SRGAP3: variants seen among roughly 807,000 people sequenced by gnomAD.
SRGAP3 encodes SLIT-ROBO Rho GTPase-activating protein 3.
In SRGAP3, 39 loss-of-function variants were observed where a neutral mutation model predicts 121.1. The observed-to-expected ratio is 0.32, with a 90% confidence interval of 0.25 to 0.42. SRGAP3 has a LOEUF of 0.42. SRGAP3 is among the 10% of genes least tolerant of loss of function. SRGAP3 has a pLI of 1.00. For synonymous variants in SRGAP3, 601 were observed against 570.0 expected (o/e 1.05, Z -0.77); for missense variants, 1,213 against 1,470.6 (o/e 0.82, Z 2.86).
chr3:8,998,524 T>A (rs1254985727), intron 18 of SRGAP3, among the ~76,000 whole-genome samples: 1 of 137,762 alleles, frequency 7.3e-6, no homozygotes, highest in Non-Finnish European at 1.5e-5. Context: ...TATTTATGTG[T>A]TTGTGGTATG....
chr3:9,121,125 G>C (rs1446863738), intron 2 of SRGAP3, among the ~76,000 whole-genome samples: 1 of 152,144 alleles, frequency 6.6e-6, no homozygotes, highest in East Asian at 1.9e-4. Context: ...AAGTGGACTA[G>C]ATAGACCAAG....
At position 9,244,579 on chromosome 3, in the gene SRGAP3, G is replaced by T. The variant is rs1953758398; in HGVS notation, c.67+4306C>A. ...AGATGAATTAGAGCCCCAGGATACTGAGAAAGCCTGCAGATAAGATCACCA... is the reference window on the plus strand; with the variant it reads ...AGATGAATTAGAGCCCCAGGATACTTAGAAAGCCTGCAGATAAGATCACCA... On this transcript the variant is annotated intron_variant, in intron 1 of 21. Coordinates refer to ENST00000383836, the MANE Select transcript of SRGAP3 (RefSeq NM_014850.4). Among the ~76,000 whole-genome samples, 3 of 152,196 alleles carry T rather than the reference G, an allele frequency of 2.0e-5. No homozygotes were observed. The South Asian group carries it at 6.2e-4, about 31-fold the overall frequency.
rs934509432 is a variant in SRGAP3, at chr3:9,238,165, C to A, written c.67+10720G>T. ...GGGTGAGAAGCTCTGAGTCAGGAGA[C>A]CCTGAGAAACTTTGGGTTGCACTGG... On this transcript the variant is annotated intron_variant, in intron 1 of 21. Coordinates refer to ENST00000383836, the MANE Select transcript of SRGAP3 (RefSeq NM_014850.4). Among the ~76,000 whole-genome samples, 9 of 152,246 alleles carry A rather than the reference C, an allele frequency of 5.9e-5. No homozygotes were observed. The South Asian group carries it at 1.9e-3, about 32-fold the overall frequency.
intron 3 of SRGAP3, among the ~76,000 whole-genome samples, chr3:9,311,504 C>G (rs1256801397): frequency 6.6e-6 from 1 of 152,228 alleles, no homozygotes; most frequent in Non-Finnish European, 1.5e-5. Context: ...GTCGCAACCA[C>G]TCAGCTCTGC....
In SRGAP3 at chr3:8,984,730, A is replaced by C. The variant is rs1941588296; in HGVS notation, c.*789T>G. 1 of 232,090 alleles carries C rather than the reference A, an allele frequency of 4.3e-6. No individual in the cohort carries two copies. The highest frequency in any genetic ancestry group is 1.8e-4 in the South Asian group (1 of 5,510). 14.4% of individuals were successfully genotyped at this position (232,090 alleles called of 1,614,324 possible). A position where few individuals can be genotyped will look rare whatever the true frequency, so the allele number is the denominator to read the frequency against. ...TGGAAGGGCAGGGTCTCTGGGGTGG[A>C]CGGGGGTGGGGATTTCCTATGAAGG... On this transcript the variant is annotated 3_prime_UTR_variant, in exon 22 of 22. Transcript: ENST00000383836.
intron 12 of SRGAP3, among the ~76,000 whole-genome samples, chr3:9,030,511 T>C (rs938340730): frequency 9.2e-5 from 14 of 152,168 alleles, no homozygotes; most frequent in African/African-American, 1.9e-4. Flanking sequence ...CTAAAGAAGA[T>C]TGACCAAAGC....
chr3:8,999,013 T>C (rs141441885), intron 18 of SRGAP3, among the ~76,000 whole-genome samples: 1,672 of 152,362 alleles, frequency 0.011, 18 homozygotes, highest in Non-Finnish European at 0.016. Flanking sequence ...CACAAGGTCT[T>C]TGCATCTGTA....
chr3:9,058,677 G>T, intron 6 of SRGAP3: 3 of 520,508 alleles, frequency 5.8e-6, no homozygotes. Flanking sequence ...GGCAATAGCA[G>T]AACTAGGTTC....
chr3:9,265,270 T>G (rs1954333891), intron 3 of SRGAP3, among the ~76,000 whole-genome samples: 1 of 151,906 alleles, frequency 6.6e-6, no homozygotes, highest in African/African-American at 2.4e-5. Context: ...CCATAAAAAC[T>G]CTACAAGAAA....
At chr3:9,353,702 G>T (rs2030326124) in intron 1 of SRGAP3, among the ~76,000 whole-genome samples, 1 of 152,264 alleles carries the variant, frequency 6.6e-6, no homozygotes, top group African/African-American at 2.4e-5. Flanking sequence ...AAGGTCCTTC[G>T]GGTTAAAGGT....
At chr3:9,099,318 A>G (rs1258547924) in intron 3 of SRGAP3, among the ~76,000 whole-genome samples, 1 of 152,210 alleles carries the variant, frequency 6.6e-6, no homozygotes, top group East Asian at 1.9e-4. Context: ...CCAACACCAC[A>G]GCTTCCAACC....
chr3:9,083,756 G>C (rs183194045), intron 3 of SRGAP3, among the ~76,000 whole-genome samples: 24 of 152,268 alleles, frequency 1.6e-4, no homozygotes, highest in Admixed American at 1.6e-3. Context: ...GAAGAGTCCT[G>C]TCTTCAGAAT....
chr3:9,115,881 C>CAAAAAACTAA (rs1363655813), intron 2 of SRGAP3, among the ~76,000 whole-genome samples: 1 of 151,870 alleles, frequency 6.6e-6, no homozygotes, highest in Non-Finnish European at 1.5e-5. Flanking sequence ...AGAAGGTAAC[C>CAAAAAACTAA]AAAAAACTAA....
chr3:9,227,645 G>A (rs916940916), intron 1 of SRGAP3, among the ~76,000 whole-genome samples: 1 of 152,170 alleles, frequency 6.6e-6, no homozygotes, highest in Non-Finnish European at 1.5e-5. Flanking sequence ...ATTGTGCTTT[G>A]GTGTTAAAAT....
chr3:9,213,485 C>T (rs546894554), intron 1 of SRGAP3, among the ~76,000 whole-genome samples: 18 of 152,322 alleles, frequency 1.2e-4, no homozygotes, highest in Middle Eastern at 3.4e-3. Flanking sequence ...CTGAGCTTCA[C>T]GCCACATGCC....
At chr3:9,055,300 A>G (rs1417656116) in intron 8 of SRGAP3, among the ~76,000 whole-genome samples, 1 of 152,224 alleles carries the variant, frequency 6.6e-6, no homozygotes, top group Non-Finnish European at 1.5e-5. Flanking sequence ...TTTGAAGATC[A>G]AGACTGTGTC....
At chr3:9,337,787 G>A (rs1468771945) in intron 1 of SRGAP3, 1 of 152,110 alleles carries the variant, frequency 6.6e-6, no homozygotes, top group African/African-American at 2.4e-5. Flanking sequence ...GAAGACCTAG[G>A]CCAATTAAAT....
At chr3:9,101,612 G>A (rs538104699) in intron 3 of SRGAP3, among the ~76,000 whole-genome samples, 4 of 152,332 alleles carry the variant, frequency 2.6e-5, no homozygotes, top group African/African-American at 9.6e-5. Context: ...ACAAAAAACG[G>A]GAAACAGAGA....
chr3:9,229,273 A>T, intron 1 of SRGAP3, among the ~76,000 whole-genome samples: 1 of 152,106 alleles, frequency 6.6e-6, no homozygotes, highest in East Asian at 1.9e-4. Context: ...CAGACTTTTG[A>T]CATTCTTCTT....
Sources: gnomAD v4.1 joint callset for allele counts (sites outside exome capture counted in the v4.1 genomes callset) on GRCh38, gnomAD v4.1.1 for gene constraint, MANE v1.5 for transcripts, NCBI Gene and HGNC (gene_info 2026-07-23, HGNC 2026-07-21) for gene names.